RIMS1: variants seen among roughly 807,000 people sequenced by gnomAD.
The protein encoded by RIMS1 is regulating synaptic membrane exocytosis 1.
Under a neutral mutation model 214.1 loss-of-function variants are expected in RIMS1, and 83 were observed. That is an observed-to-expected ratio of 0.39 (90% CI 0.32 to 0.47). RIMS1 has a LOEUF of 0.47. RIMS1 is among the 20% of genes least tolerant of loss of function. The pLI, the probability that RIMS1 is intolerant of heterozygous loss-of-function variation, is 0.99. For synonymous variants in RIMS1, 793 were observed against 786.8 expected (o/e 1.01, Z -0.13); for missense variants, 2,050 against 2,161.8 (o/e 0.95, Z 1.03).
intron 29 of RIMS1, among the ~76,000 whole-genome samples, chr6:72,382,129 A>C (rs1030819991): frequency 3.3e-5 from 5 of 152,200 alleles, no homozygotes; most frequent in Admixed American, 6.5e-5. Flanking sequence ...AAAATAGTGG[A>C]GTTTATGACT....
At chr6:72,282,891 A>G (rs1563521070) in intron 23 of RIMS1, among the ~76,000 whole-genome samples, 1 of 152,104 alleles carries the variant, frequency 6.6e-6, no homozygotes, top group Non-Finnish European at 1.5e-5. Flanking sequence ...CTGAAAACAC[A>G]CAGCTGAAAC....
At chr6:72,216,501 G>T in intron 6 of RIMS1, 1 of 985,418 alleles carries the variant, frequency 1.0e-6, no homozygotes, top group Non-Finnish European at 1.2e-6. Flanking sequence ...GTATACTCTT[G>T]GTTTATGCTT....
At chr6:72,082,653 T>C (rs1389373049) in intron 2 of RIMS1, among the ~76,000 whole-genome samples, 1 of 152,120 alleles carries the variant, frequency 6.6e-6, no homozygotes, top group East Asian at 1.9e-4. Flanking sequence ...AAGAAGCAAG[T>C]AATATACTTT....
chr6:71,951,579 C>T (rs1394353759), intron 1 of RIMS1, among the ~76,000 whole-genome samples: 1 of 150,378 alleles, frequency 6.6e-6, no homozygotes, highest in Non-Finnish European at 1.5e-5. Flanking sequence ...CAGCCTTGAC[C>T]TTCTGGGCTC....
At chr6:71,924,697 C>T (rs1293165985) in intron 1 of RIMS1, among the ~76,000 whole-genome samples, 1 of 147,372 alleles carries the variant, frequency 6.8e-6, no homozygotes, top group Non-Finnish European at 1.5e-5. Flanking sequence ...GTCCCAGCTA[C>T]TCAGGAGGCT....
intron 4 of RIMS1, among the ~76,000 whole-genome samples, chr6:72,139,906 C>T (rs1244469669): frequency 6.6e-6 from 1 of 151,882 alleles, no homozygotes; most frequent in South Asian, 2.1e-4. Context: ...TAATTAAAGG[C>T]CTTAATTTTA....
intron 19 of RIMS1, among the ~76,000 whole-genome samples, chr6:72,264,583 A>G (rs1356185610): frequency 1.3e-5 from 2 of 152,074 alleles, no homozygotes. Context: ...TCTTTTAGTC[A>G]TATTGTAACT....
intron 29 of RIMS1, among the ~76,000 whole-genome samples, chr6:72,373,256 T>C (rs539839544): frequency 5.3e-5 from 8 of 152,378 alleles, no homozygotes; most frequent in African/African-American, 1.9e-4. Context: ...TTTTTAGTAC[T>C]GCTTTAGTAT....
chr6:72,356,706 G>A (rs969259311), intron 29 of RIMS1, among the ~76,000 whole-genome samples: 10 of 152,016 alleles, frequency 6.6e-5, no homozygotes, highest in African/African-American at 2.4e-4. Context: ...GTTGCAGTGA[G>A]CCAAGATTAC....
chr6:72,120,985 G>A (rs952310936), intron 4 of RIMS1, among the ~76,000 whole-genome samples: 2 of 151,770 alleles, frequency 1.3e-5, no homozygotes, highest in African/African-American at 4.8e-5. Context: ...TTATTTCTGA[G>A]GCCTCTGTTC....
rs1591765469 is a variant in RIMS1 at position 72,280,529 on chromosome 6, CA to C, written c.3483-3517del. Among the ~76,000 whole-genome samples the C allele has an allele frequency of 2.0e-5, 3 of 151,982 alleles. No homozygotes were observed. In the East Asian group the frequency reaches 5.8e-4, roughly 29 times the overall value. On this transcript the variant is annotated intron_variant, in intron 23 of 33. Transcript: ENST00000521978. The stretch of plus-strand genomic sequence containing the variant: ...TACAGAAAATTATTGCAATTAAGTG[CA>C]TATCATTTTAACTTAATTTACGTAT...
intron 28 of RIMS1, among the ~76,000 whole-genome samples, chr6:72,328,382 C>T (rs887482778): frequency 6.6e-6 from 1 of 151,768 alleles, no homozygotes; most frequent in Non-Finnish European, 1.5e-5. Context: ...ACCACCATGG[C>T]ACGTATATAC....
chr6:71,992,914 G>GC (rs746925418), intron 2 of RIMS1, among the ~76,000 whole-genome samples: 8 of 152,166 alleles, frequency 5.3e-5, no homozygotes, highest in Non-Finnish European at 1.2e-4. Flanking sequence ...ACTGGTCTTG[G>GC]CCTTCCAAAG....
chr6:72,366,841 T>A, intron 29 of RIMS1: 16 of 985,144 alleles, frequency 1.6e-5, no homozygotes, highest in Non-Finnish European at 1.9e-5. Context: ...TTAATGCTGA[T>A]ACTTAATTTT....
chr6:72,360,229 G>C (rs1006440644), intron 29 of RIMS1, among the ~76,000 whole-genome samples: 1 of 152,152 alleles, frequency 6.6e-6, no homozygotes, highest in Non-Finnish European at 1.5e-5. Context: ...TCTAGCTTTT[G>C]TAGTATTTTG....
At chr6:72,057,434 T>G (rs959021656) in intron 2 of RIMS1, among the ~76,000 whole-genome samples, 23 of 152,084 alleles carry the variant, frequency 1.5e-4, no homozygotes, top group African/African-American at 5.6e-4. Flanking sequence ...GGGGATAACC[T>G]TCTCTACTAG....
chr6:72,275,895 T>C (rs1302281489), intron 23 of RIMS1, among the ~76,000 whole-genome samples: 1 of 152,194 alleles, frequency 6.6e-6, no homozygotes, highest in Admixed American at 6.5e-5. Context: ...TCAGGGAACT[T>C]AGAATTTTCT....
At position 72,126,237 on chromosome 6, in the gene RIMS1, TG is replaced by T. The variant is rs1446807666; in HGVS notation, c.471+26252del. On this transcript the variant is annotated intron_variant, in intron 4 of 33. Coordinates refer to ENST00000521978, the MANE Select transcript of RIMS1 (RefSeq NM_014989.7). ...AAGCCACATGTAGAAGAATGAAACTTGATCCTCACTTCTTACCTTAAACAAA... is the reference window on the plus strand; with the variant it reads ...AAGCCACATGTAGAAGAATGAAACTTATCCTCACTTCTTACCTTAAACAAA... Among the ~76,000 whole-genome samples the T allele has an allele frequency of 3.9e-5, 6 of 152,316 alleles. No homozygotes were observed. The East Asian group carries it at 9.7e-4, about 25-fold the overall frequency.
At chr6:72,129,777 G>C (rs2040159073) in intron 4 of RIMS1, among the ~76,000 whole-genome samples, 1 of 151,742 alleles carries the variant, frequency 6.6e-6, no homozygotes, top group African/African-American at 2.4e-5. Flanking sequence ...TAATCTTTGT[G>C]GTAAAATGGT....
Sources: allele counts gnomAD v4.1 joint callset (sites outside exome capture counted in the v4.1 genomes callset), GRCh38; gene constraint gnomAD v4.1.1; transcripts MANE v1.5; gene names NCBI Gene and HGNC (gene_info 2026-07-23, HGNC 2026-07-21).